The following ERAP2 variants were observed in gnomAD, a reference collection of about 807,000 sequenced individuals.
ERAP2 encodes endoplasmic reticulum aminopeptidase 2.
In ERAP2, 118 loss-of-function variants were observed where a neutral mutation model predicts 111.1. The ratio of observed to expected loss-of-function variants is 1.06; its 90% CI spans 0.92 to 1.24. The LOEUF (loss-of-function observed/expected upper bound fraction) is 1.24. Ranked by LOEUF, ERAP2 falls within the 50% of genes most tolerant of loss-of-function variation. ERAP2 has a pLI of 0.00. For synonymous variants in ERAP2, 410 were observed against 401.2 expected (o/e 1.02, Z -0.26); for missense variants, 1,131 against 1,125.8 (o/e 1.00, Z -0.07).
chr5:96,891,224 C>T (rs1784314681), intron 5 of ERAP2, among the ~76,000 whole-genome samples: 1 of 151,830 alleles, frequency 6.6e-6, no homozygotes, highest in Non-Finnish European at 1.5e-5. Flanking sequence ...TTTTTTCCAG[C>T]TAAACAGAAC....
rs1411675424 is a variant in ERAP2, at chr5:96,892,347, G to A, written c.1019G>A (p.Gly340Asp). The change falls in exon 6 of 19, where the codon GGC becomes GAC. Residue 340 changes from glycine to aspartate, a missense_variant. By Grantham distance (94) the Gly-to-Asp change is moderately conservative. This residue lies in a region of ERAP2 where 847 missense variants were observed against 856.5 expected (regional missense o/e 0.99). Coordinates refer to ENST00000437043, the MANE Select transcript of ERAP2 (RefSeq NM_022350.5). ...GCACCTGGAGCCATGGAAAATTGGG[G>A]CCTCATTACATATAGGGAGACGTCA... ...DFAPGAMENW[G>D]LITYRETSLL... is the part of the protein sequence containing the mutation. 1 of 1,613,888 alleles carries A rather than the reference G, an allele frequency of 6.2e-7. No individual in the cohort carries two copies. The highest frequency in any genetic ancestry group is 1.7e-5 in the Admixed American group (1 of 59,996).
At chr5:96,909,809 T>A in intron 15 of ERAP2, 45 bp downstream of exon 15, 2 of 1,584,740 alleles carry the variant, frequency 1.3e-6, no homozygotes, top group Non-Finnish European at 1.7e-6. Context: ...TTCTCTTTGA[T>A]GTAAAAGTCT....
At chr5:96,885,119 C>T (rs567361128) in intron 3 of ERAP2, among the ~76,000 whole-genome samples, 250 of 152,312 alleles carry the variant, frequency 1.6e-3, no homozygotes, top group Non-Finnish European at 2.9e-3. Context: ...CCATAGCAAA[C>T]GCCCATTTGC....
intron 3 of ERAP2, among the ~76,000 whole-genome samples, chr5:96,884,467 T>C (rs1329014985): frequency 6.6e-6 from 1 of 151,780 alleles, no homozygotes; most frequent in Non-Finnish European, 1.5e-5. Context: ...TAGAAGTCTA[T>C]GATGGAACTT....
intron 5 of ERAP2, chr5:96,889,585 G>A (rs1581820365): frequency 1.5e-6 from 1 of 671,926 alleles, no homozygotes; most frequent in East Asian, 2.5e-5. Flanking sequence ...GGCACACACT[G>A]GAGGCTGGGA....
chr5:96,907,157 G>A (rs940586954), intron 13 of ERAP2, among the ~76,000 whole-genome samples: 8 of 152,168 alleles, frequency 5.3e-5, no homozygotes, highest in Non-Finnish European at 1.2e-4. Flanking sequence ...TTACTGTTGA[G>A]CTAAGGTTTA....
intron 17 of ERAP2, among the ~76,000 whole-genome samples, chr5:96,914,978 T>C (rs1787212289): frequency 1.3e-5 from 2 of 152,062 alleles, no homozygotes; most frequent in Non-Finnish European, 2.9e-5. Context: ...TTTTTTACCA[T>C]ACCTTAACAT....
chr5:96,885,457 C>T (rs1469520132), intron 3 of ERAP2, among the ~76,000 whole-genome samples: 1 of 152,202 alleles, frequency 6.6e-6, no homozygotes, highest in Non-Finnish European at 1.5e-5. Context: ...AGTATTTTAT[C>T]AGTACCTTCC....
At position 96,907,307 on chromosome 5, in the gene ERAP2, C is replaced by T. The variant is rs141699538; in HGVS notation, c.2013-1654C>T. ...TAACTATATAAAAAGAAAAGGAGTC[C>T]CTTATGAATAAATATTAAAATTAAA... On this transcript the variant is annotated intron_variant, in intron 13 of 18. Transcript: ENST00000437043. 2.9e-3 allele frequency among the ~76,000 whole-genome samples: 442 copies of T among 151,734 alleles called. 2 individuals are homozygous for T. The highest frequency in any genetic ancestry group is 0.01 in the African/African-American group (426 of 41,308).
rs561868890 is a variant in ERAP2, at chr5:96,901,739, C to G, written c.1748+58C>G. On this transcript the variant is annotated intron_variant, in intron 11 of 18. Transcript: ENST00000437043. ...CTCATCTCAGTTTCCTCGTTATTTC[C>G]TTAGCTTTCTCTCAGCTCATCTGGC... is the stretch of plus-strand genomic sequence containing the variant. 8.0e-5 allele frequency: 124 copies of G among 1,547,400 alleles called. No individual in the cohort carries two copies. In the African/African-American group the frequency reaches 1.6e-3, roughly 20 times the overall value.
chr5:96,895,860 G>A (rs758912930), intron 7 of ERAP2, among the ~76,000 whole-genome samples: 97 of 152,172 alleles, frequency 6.4e-4, no homozygotes, highest in Non-Finnish European at 1.3e-3. Context: ...TATCAAGGTG[G>A]TTAGTAATGG....
In ERAP2 at chr5:96,917,830, C is replaced by T. The variant is rs1787594826; in HGVS notation, c.*225C>T. 9.4e-6 allele frequency: 2 copies of T among 211,876 alleles called. No individual in the cohort carries two copies. Among genetic ancestry groups the T allele is most frequent in the Non-Finnish European group, 9.1e-6 (1 of 109,834 alleles). The allele number at this position is 211,876 out of a possible 1,614,324, so 13.1% of individuals were successfully genotyped here. ...CTGCAGCAGGAAAATGGCATAAACC[C>T]GGGAGGTGGAGCTTGCAGTGAGCCG... is the stretch of plus-strand genomic sequence containing the variant. On this transcript the variant is annotated 3_prime_UTR_variant, in exon 19 of 19. Transcript: ENST00000437043.
chr5:96,900,328 A>AG, intron 10 of ERAP2, 139 bp downstream of exon 10: 1 of 1,326,222 alleles, frequency 7.5e-7, no homozygotes. Flanking sequence ...CTCTAAAACA[A>AG]AACTGAAGGG....
At chr5:96,887,138 C>T (rs1259297265) in intron 4 of ERAP2, among the ~76,000 whole-genome samples, 1 of 147,422 alleles carries the variant, frequency 6.8e-6, no homozygotes, top group African/African-American at 2.5e-5. Context: ...TACATATATA[C>T]CCTTTGCAAA....
At position 96,896,414 on chromosome 5, in the gene ERAP2, A is replaced by C. The variant is rs150559976; in HGVS notation, c.1281A>C (p.Lys427Asn). ...FLNVCFEVIT[K>N]DSLNSSRPIS... ...ATGTGTGTTTTGAAGTAATTACAAA[A>C]GATTCATTGAATTCATCCCGCCCTA... The change falls in exon 8 of 19, where the codon AAA (lysine) becomes AAC (asparagine). Residue 427 changes from lysine to asparagine, a missense_variant. Around this residue, in one of 3 missense-constraint regions of ERAP2, gnomAD observed 847 missense variants for 856.5 expected, o/e 0.99. Transcript: ENST00000437043. 3.1e-6 allele frequency: 5 copies of C among 1,612,646 alleles called. No homozygotes were observed. In the African/African-American group the frequency reaches 5.3e-5, roughly 17 times the overall value.
intron 3 of ERAP2, 132 bp downstream of exon 3, chr5:96,884,062 CTATCTATCT>C (rs1783464587): frequency 1.5e-6 from 1 of 649,666 alleles, no homozygotes; most frequent in African/African-American, 1.9e-5. Flanking sequence ...ATCTATCTAT[CTATCTATCT>C]ATCTATCTAT....
rs1355949110 is a variant in ERAP2, at chr5:96,886,660, GACA to G, written c.722_724del (p.Thr241del). The G allele has an allele frequency of 6.6e-7, 1 of 1,518,568 alleles. No individual in the cohort carries two copies. The highest frequency in any genetic ancestry group is 9.0e-7 in the Non-Finnish European group (1 of 1,116,316). The allele number at this position is 1,518,568 out of a possible 1,614,324, so 94.1% of individuals were successfully genotyped here. On this transcript the variant is annotated inframe_deletion, in exon 4 of 19. Transcript: ENST00000437043. ...ATTCCTTTTCCTTTCTGTAGGTTAA[GACA>G]ATTGAACTTGAAGGAGGTCTTTTGG...
In ERAP2 at chr5:96,918,269, C is replaced by T. The variant is rs1347173197; in HGVS notation, c.*664C>T. Reference sequence around the variant, plus strand: ...CTTTCTCCATTGCTTCACGCTATGCCACTATTTTGCTTCTTTAATTTTTTT... The same window carrying T: ...CTTTCTCCATTGCTTCACGCTATGCTACTATTTTGCTTCTTTAATTTTTTT... On this transcript the variant is annotated 3_prime_UTR_variant, in exon 19 of 19. Transcript: ENST00000437043. 2.0e-5 allele frequency: 3 copies of T among 152,308 alleles called. No individual in the cohort carries two copies. The highest frequency in any genetic ancestry group is 7.2e-5 in the African/African-American group (3 of 41,426). The allele number at this position is 152,308 out of a possible 1,614,324, so 9.4% of individuals were successfully genotyped here.
chr5:96,886,201 A>C (rs939604798), intron 3 of ERAP2, among the ~76,000 whole-genome samples: 2 of 152,168 alleles, frequency 1.3e-5, no homozygotes, highest in African/African-American at 4.8e-5. Context: ...GGATTAAAAG[A>C]TAATGTGCAG....
Sources: gnomAD v4.1 joint callset for allele counts (sites outside exome capture counted in the v4.1 genomes callset) on GRCh38, gnomAD v4.1.1 for gene constraint, gnomAD v4.1.1 regional missense constraint, MANE v1.5 for transcripts, NCBI Gene and HGNC (gene_info 2026-07-23, HGNC 2026-07-21) for gene names.